Variants in GALNTL6 observed in about 807,000 individuals in gnomAD.
GALNTL6 encodes polypeptide N-acetylgalactosaminyltransferase like 6.
A neutral mutation model predicts 73.7 loss-of-function variants in GALNTL6; 46 were observed. The ratio of observed to expected loss-of-function variants is 0.62; its 90% confidence interval spans 0.49 to 0.80. GALNTL6 has a LOEUF of 0.80. GALNTL6 is among the 30% of genes least tolerant of loss of function. The pLI is 0.00. For missense variants in GALNTL6, 604 were observed against 755.0 expected, an observed-to-expected ratio of 0.80 and a Z score of 2.34; for synonymous variants, 259 against 263.7, an observed-to-expected ratio of 0.98 and a Z score of 0.17.
intron 5 of GALNTL6, among the ~76,000 whole-genome samples, chr4:172,638,574 T>C (rs928340304): frequency 1.3e-5 from 2 of 152,100 alleles, no homozygotes; most frequent in African/African-American, 2.4e-5. Context: ...TTCAGACTCA[T>C]AAAAAGTTGC....
intron 5 of GALNTL6, among the ~76,000 whole-genome samples, chr4:172,409,106 AC>A (rs1304053059): frequency 6.6e-6 from 1 of 152,200 alleles, no homozygotes; most frequent in East Asian, 1.9e-4. Flanking sequence ...AATATTTGTA[AC>A]ATCTGCTATA....
chr4:172,515,584 A>G (rs1734576785), intron 5 of GALNTL6, among the ~76,000 whole-genome samples: 2 of 152,270 alleles, frequency 1.3e-5, no homozygotes, highest in Non-Finnish European at 2.9e-5. Flanking sequence ...CCCCATGTGA[A>G]GTAGTGCAGG....
At chr4:172,168,270 G>GT (rs1250525311) in intron 2 of GALNTL6, among the ~76,000 whole-genome samples, 1 of 151,866 alleles carries the variant, frequency 6.6e-6, no homozygotes, top group Non-Finnish European at 1.5e-5. Context: ...AAAGTTTTTT[G>GT]TTTGTTTTGT....
chr4:172,625,404 G>A (rs1389589577), intron 5 of GALNTL6, among the ~76,000 whole-genome samples: 1 of 152,008 alleles, frequency 6.6e-6, no homozygotes, highest in Non-Finnish European at 1.5e-5. Flanking sequence ...ATTCCATGCT[G>A]TGTATGTACC....
In GALNTL6 at chr4:172,849,295, C is replaced by A. The variant is rs572496999; in HGVS notation, c.924-33495C>A. ...TCACATTAATTCTCAGGATATTGAA[C>A]AAGACACTAGCTCATAGAATCCCAA... is the stretch of plus-strand genomic sequence containing the variant. On this transcript the variant is annotated intron_variant, in intron 7 of 12. Coordinates refer to ENST00000506823, the MANE Select transcript of GALNTL6 (RefSeq NM_001034845.3). 2.0e-5 allele frequency among the ~76,000 whole-genome samples: 3 copies of A among 152,196 alleles called. No individual in the cohort carries two copies. The South Asian group carries it at 6.2e-4, about 32-fold the overall frequency.
At position 172,334,809 on chromosome 4, in the gene GALNTL6, A is replaced by G. The variant is rs541244778; in HGVS notation, c.387-13714A>G. Among the ~76,000 whole-genome samples, 24 of 152,228 alleles carry G rather than the reference A, an allele frequency of 1.6e-4. No homozygotes were observed. In the East Asian group the frequency reaches 4.4e-3, roughly 28 times the overall value. On this transcript the variant is annotated intron_variant, in intron 4 of 12. Coordinates refer to ENST00000506823, the MANE Select transcript of GALNTL6 (RefSeq NM_001034845.3). ...CCATCCTTGTCTTTTTCCTGTTCTT[A>G]AGAGGAATGCTTCTAGCTTTTGCCC...
chr4:172,337,975 TA>T (rs941037085), intron 4 of GALNTL6, among the ~76,000 whole-genome samples: 56 of 149,528 alleles, frequency 3.7e-4, no homozygotes, highest in African/African-American at 1.1e-3. Flanking sequence ...TTTTCTAATT[TA>T]AAAAAAAAAG....
chr4:172,534,845 C>T (rs1201779321), intron 5 of GALNTL6, among the ~76,000 whole-genome samples: 2 of 152,130 alleles, frequency 1.3e-5, no homozygotes, highest in African/African-American at 2.4e-5. Context: ...GGATTACAGG[C>T]GTGAGCCACC....
At chr4:172,931,307 G>A (rs760889728) in intron 9 of GALNTL6, 39 bp downstream of exon 9, 3 of 1,217,880 alleles carry the variant, frequency 2.5e-6, no homozygotes, top group East Asian at 2.3e-5. Flanking sequence ...GGGTTGATAT[G>A]GCTTTCTGTA....
At chr4:172,056,270 C>T (rs559601508) in intron 2 of GALNTL6, among the ~76,000 whole-genome samples, 1 of 152,144 alleles carries the variant, frequency 6.6e-6, no homozygotes, top group Admixed American at 6.6e-5. Context: ...CAACATTGTG[C>T]CAAAAGCATA....
chr4:172,450,273 A>G (rs1732164668), intron 5 of GALNTL6, among the ~76,000 whole-genome samples: 1 of 151,780 alleles, frequency 6.6e-6, no homozygotes, highest in Non-Finnish European at 1.5e-5. Flanking sequence ...TCTGTCCTAA[A>G]TCTTCTTCAT....
At chr4:172,043,349 G>C (rs1742138839) in intron 2 of GALNTL6, among the ~76,000 whole-genome samples, 1 of 151,940 alleles carries the variant, frequency 6.6e-6, no homozygotes, top group Non-Finnish European at 1.5e-5. Flanking sequence ...GGCACAGAGA[G>C]GGTTAAAAGT....
chr4:172,054,767 A>G (rs930930745), intron 2 of GALNTL6, among the ~76,000 whole-genome samples: 1 of 152,200 alleles, frequency 6.6e-6, no homozygotes, highest in Non-Finnish European at 1.5e-5. Context: ...TATAAAGGAA[A>G]CCTAAATAAT....
chr4:172,837,991 T>C (rs1021730989), intron 7 of GALNTL6, among the ~76,000 whole-genome samples: 4 of 152,168 alleles, frequency 2.6e-5, no homozygotes, highest in Admixed American at 6.5e-5. Context: ...AGTGCAACTG[T>C]TTTTTATTAT....
chr4:172,499,305 C>T (rs189343474), intron 5 of GALNTL6, among the ~76,000 whole-genome samples: 7 of 152,094 alleles, frequency 4.6e-5, no homozygotes, highest in Non-Finnish European at 1.0e-4. Flanking sequence ...TAAGAGGAGA[C>T]TCAAGAGAGA....
chr4:172,401,941 A>C (rs1207280579), intron 5 of GALNTL6, among the ~76,000 whole-genome samples: 3 of 58,310 alleles, frequency 5.1e-5, no homozygotes, highest in East Asian at 5.3e-4. Context: ...GAGAGGGGGA[A>C]AGGGGGAGGG....
At chr4:172,784,984 T>G (rs2110909937) in intron 5 of GALNTL6, among the ~76,000 whole-genome samples, 1 of 152,284 alleles carries the variant, frequency 6.6e-6, no homozygotes, top group Non-Finnish European at 1.5e-5. Flanking sequence ...TCTTTCTTAC[T>G]GATACCAGGA....
intron 7 of GALNTL6, among the ~76,000 whole-genome samples, chr4:172,827,979 A>G (rs1742359254): frequency 6.6e-6 from 1 of 152,064 alleles, no homozygotes; most frequent in Non-Finnish European, 1.5e-5. Flanking sequence ...GCTTAGGAGG[A>G]AAATACAGAG....
At chr4:172,277,355 C>A (rs1738870682) in intron 3 of GALNTL6, among the ~76,000 whole-genome samples, 1 of 152,044 alleles carries the variant, frequency 6.6e-6, no homozygotes, top group Non-Finnish European at 1.5e-5. Flanking sequence ...TTACCTGTGC[C>A]CGGAGCTGTC....
Sources: allele counts gnomAD v4.1 joint callset (sites outside exome capture counted in the v4.1 genomes callset), GRCh38; gene constraint gnomAD v4.1.1; transcripts MANE v1.5; gene names NCBI Gene and HGNC (gene_info 2026-07-23, HGNC 2026-07-21).